The following BAZ2A variants were observed in gnomAD, a reference collection of about 807,000 sequenced individuals.
BAZ2A encodes bromodomain adjacent to zinc finger domain protein 2A.
BAZ2A carries 34 observed loss-of-function variants against 199.9 expected under a neutral mutation model. The ratio of observed to expected loss-of-function variants is 0.17; its 90% CI spans 0.13 to 0.23. The LOEUF (loss-of-function observed/expected upper bound fraction) is 0.23, where lower values mean the gene tolerates loss of function less well. Among genes scored for constraint, BAZ2A ranks in the 10% least tolerant of loss-of-function variants. BAZ2A has a pLI of 1.00. For missense variants in BAZ2A, 2,002 were observed against 2,391.1 expected (o/e 0.84, Z 3.39); for synonymous variants, 857 against 883.9 (o/e 0.97, Z 0.54).
intron 16 of BAZ2A, 94 bp from the exon 17 acceptor site, chr12:56,603,794 C>T (rs1235240153): frequency 5.6e-6 from 8 of 1,420,052 alleles, no homozygotes; most frequent in Non-Finnish European, 7.7e-6. Context: ...AGGCGGATCA[C>T]CTGAGGTCAG....
Position 56,609,826 on chromosome 12 carries a change from T to A in BAZ2A, c.2002A>T (p.Lys668Ter). 6.2e-7 allele frequency: 1 copy of A among 1,613,922 alleles called. No individual in the cohort carries two copies. The highest frequency in any genetic ancestry group is 8.5e-7 in the Non-Finnish European group (1 of 1,179,860). ...TTAGGTGGCCGACCTCGACCCCGTT[T>A]CACCTTGGGGACTTCCTTAGTCTTA... is the stretch of plus-strand genomic sequence containing the variant. ...KAKTKEVPKV[K>*]RGRGRPPKVK... The change falls in exon 10 of 29, where the codon AAA (lysine) becomes TAA (stop). Residue 668 changes from lysine to a stop codon, truncating the protein, a stop_gained. Transcript: ENST00000549884. LOFTEE classifies it high-confidence loss of function.
At chr12:56,613,366 G>A in intron 4 of BAZ2A, 133 bp from the exon 5 acceptor site, 1 of 934,656 alleles carries the variant, frequency 1.1e-6, no homozygotes, top group Non-Finnish European at 1.6e-6. Flanking sequence ...TATTAAGTTA[G>A]GTAACAAGTA....
intron 15 of BAZ2A, 56 bp downstream of exon 15, chr12:56,604,529 T>G (rs1950283567): frequency 6.6e-7 from 1 of 1,505,344 alleles, no homozygotes; most frequent in East Asian, 2.5e-5. Context: ...CTACAAGTCC[T>G]CCACCCCATT....
At chr12:56,612,968 C>G (rs1191973019) in intron 5 of BAZ2A, 47 bp downstream of exon 5, 1 of 1,548,336 alleles carries the variant, frequency 6.5e-7, no homozygotes, top group African/African-American at 1.4e-5. Flanking sequence ...ATTCTCTCAT[C>G]TTTTCTCAGG....
chr12:56,609,627 C>A (rs1478169934), intron 10 of BAZ2A, 109 bp downstream of exon 10: 6 of 1,204,044 alleles, frequency 5.0e-6, no homozygotes, highest in African/African-American at 1.5e-5. Context: ...TTCATTCTTC[C>A]CAGATAATGT....
At chr12:56,613,906 G>C in intron 4 of BAZ2A, 47 bp downstream of exon 4, 2 of 1,553,106 alleles carry the variant, frequency 1.3e-6, no homozygotes, top group Non-Finnish European at 1.8e-6. Context: ...GGTAAAGTTT[G>C]GCTACTCTGC....
At chr12:56,606,856 C>T (rs76338899) in intron 10 of BAZ2A, 123 bp from the exon 11 acceptor site, 2 of 603,982 alleles carry the variant, frequency 3.3e-6, no homozygotes, top group South Asian at 2.1e-5. Context: ...TCTAGAGTAG[C>T]TTTTTTTTTT....
chr12:56,635,670 C>A lies in BAZ2A; in HGVS notation c.4+512G>T, dbSNP rs2137521533. Among the ~76,000 whole-genome samples the A allele has an allele frequency of 6.6e-6, 1 of 152,280 alleles. No homozygotes were observed. Among genetic ancestry groups the A allele is most frequent in the East Asian group, 1.9e-4 (1 of 5,174 alleles). On this transcript the variant is annotated intron_variant, in intron 1 of 29. Coordinates refer to the BAZ2A transcript ENST00000379441. The surrounding 1 kb of genome is among the most constrained non-coding windows in gnomAD (Gnocchi z 4.1). ...TCAGTTTTCCCCCAACCACCACCAC[C>A]CTTGCTTCAGTCTCTGGGGCAACAG...
At chr12:56,622,663 T>C (rs534713301) in intron 1 of BAZ2A, among the ~76,000 whole-genome samples, 6 of 152,218 alleles carry the variant, frequency 3.9e-5, no homozygotes, top group Non-Finnish European at 5.9e-5. Context: ...TTTGAACTAA[T>C]AGGATTTTCA....
intron 1 of BAZ2A, among the ~76,000 whole-genome samples, chr12:56,625,889 A>C (rs951233279): frequency 6.6e-5 from 10 of 151,480 alleles, no homozygotes; most frequent in Admixed American, 6.6e-4. Flanking sequence ...AAAAAAAAAA[A>C]AAAAAAAACA....
At chr12:56,630,914 C>T (rs957039478), upstream of BAZ2A, 1 of 943,946 alleles carries the variant, frequency 1.1e-6, no homozygotes, top group Non-Finnish European at 1.3e-6. Flanking sequence ...ACAGCAAAGA[C>T]CTGAGTGTAG....
At chr12:56,621,775 A>C (rs900402759) in intron 1 of BAZ2A, among the ~76,000 whole-genome samples, 2 of 151,638 alleles carry the variant, frequency 1.3e-5, no homozygotes, top group South Asian at 4.2e-4. Context: ...TGCAGCCTGG[A>C]ACTCCTGGGC....
upstream of BAZ2A, chr12:56,636,856 C>G (rs931513097): frequency 1.3e-5 from 2 of 152,734 alleles, no homozygotes; most frequent in Admixed American, 1.3e-4. Context: ...CTGTCCAGAT[C>G]ATGACACAGG....
rs977135231 is a variant in BAZ2A at position 56,598,535 on chromosome 12, G to A, written c.*83C>T. 6.6e-7 allele frequency: 1 copy of A among 1,506,074 alleles called. No individual in the cohort carries two copies. Among genetic ancestry groups the A allele is most frequent in the Non-Finnish European group, 8.9e-7 (1 of 1,121,730 alleles). The allele number at this position is 1,506,074 out of a possible 1,614,324, so 93.3% of individuals were successfully genotyped here. A position where few individuals can be genotyped will look rare whatever the true frequency, so the allele number is the denominator to read the frequency against. On this transcript the variant is annotated 3_prime_UTR_variant, in exon 29 of 29. Transcript: ENST00000549884. Reference sequence around the variant, plus strand: ...TATCTGACTTGAGTCTGGACCCAGGGCAGCATCAGCAGGTGAAAATGGCAG... The same window carrying A: ...TATCTGACTTGAGTCTGGACCCAGGACAGCATCAGCAGGTGAAAATGGCAG...
rs1886424137 is a variant in BAZ2A at position 56,601,102 on chromosome 12, T to C, written c.4295-4A>G. 2 of 1,613,472 alleles carry C rather than the reference T, an allele frequency of 1.2e-6. No homozygotes were observed. The highest frequency in any genetic ancestry group is 1.7e-5 in the Admixed American group (1 of 59,906). On this transcript the variant is annotated splice_region_variant and splice_polypyrimidine_tract_variant and intron_variant, in intron 21 of 28. Transcript: ENST00000549884. The stretch of plus-strand genomic sequence containing the variant: ...CACCACCAGCCTGAGCACATCTCTG[T>C]GAGCAGATGAGATATATGTGGGGCG...
At chr12:56,624,899 A>T (rs948357672) in intron 1 of BAZ2A, among the ~76,000 whole-genome samples, 1 of 152,154 alleles carries the variant, frequency 6.6e-6, no homozygotes, top group Non-Finnish European at 1.5e-5. Flanking sequence ...TCAACCAAAT[A>T]AAAAAATAAA....
intron 1 of BAZ2A, among the ~76,000 whole-genome samples, chr12:56,629,444 C>A (rs995015420): frequency 2.6e-5 from 4 of 152,164 alleles, no homozygotes; most frequent in African/African-American, 4.8e-5. Context: ...CCTCTTTATT[C>A]TTCCCTTCTG....
At chr12:56,623,438 AG>A (rs1950985863) in intron 1 of BAZ2A, among the ~76,000 whole-genome samples, 1 of 152,170 alleles carries the variant, frequency 6.6e-6, no homozygotes, top group Non-Finnish European at 1.5e-5. Flanking sequence ...CTTCTCATGT[AG>A]TACATCAAAA....
chr12:56,619,345 CAA>C (rs1046293416), intron 1 of BAZ2A, among the ~76,000 whole-genome samples: 18 of 116,236 alleles, frequency 1.5e-4, no homozygotes, highest in Admixed American at 1.8e-4. Context: ...GACTTCATCT[CAA>C]AAAAAAAAAA....
Sources: gnomAD v4.1 joint callset for allele counts (sites outside exome capture counted in the v4.1 genomes callset) on GRCh38, gnomAD v4.1.1 for gene constraint, Gnocchi (gnomAD v3.1) non-coding constraint, MANE v1.5 for transcripts, NCBI Gene and HGNC (gene_info 2026-07-23, HGNC 2026-07-21) for gene names.